MRPS22: variants seen among roughly 807,000 people sequenced by gnomAD.
MRPS22 encodes small ribosomal subunit protein mS22.
In MRPS22, 30 loss-of-function variants were observed where a neutral mutation model predicts 44.0. The observed-to-expected ratio is 0.68, with a 90% CI of 0.51 to 0.93. MRPS22 has a LOEUF of 0.93. MRPS22 is among the 40% of genes least tolerant of loss of function. The pLI is 0.00. For synonymous variants in MRPS22, 165 were observed against 154.4 expected (o/e 1.07, Z -0.51); for missense variants, 447 against 447.8 (o/e 1.00, Z 0.02).
intron 6 of MRPS22, among the ~76,000 whole-genome samples, chr3:139,354,514 GCA>G (rs375560638): frequency 6.6e-6 from 1 of 152,214 alleles, no homozygotes; most frequent in African/African-American, 2.4e-5. Context: ...ATTATAACAA[GCA>G]CAATAGATTT....
At chr3:139,348,754 C>T (rs544307095) in intron 3 of MRPS22, among the ~76,000 whole-genome samples, 129 of 152,308 alleles carry the variant, frequency 8.5e-4, no homozygotes, top group African/African-American at 3.0e-3. Flanking sequence ...GAAACTCAGG[C>T]ATCATAAAGG....
At chr3:139,352,515 T>C (rs959176622) in intron 5 of MRPS22, 132 bp from the exon 6 acceptor site, 4 of 740,542 alleles carry the variant, frequency 5.4e-6, no homozygotes, top group Non-Finnish European at 7.2e-6. Flanking sequence ...AATTGGTTAA[T>C]GATATGGAGG....
At chr3:139,356,886 A>ATTG in intron 7 of MRPS22, 33 bp from the exon 8 acceptor site, 1 of 1,493,082 alleles carries the variant, frequency 6.7e-7, no homozygotes, top group Non-Finnish European at 9.3e-7. Context: ...CATATGTCCT[A>ATTG]TTGTTTTAAA....
At chr3:139,346,653 G>C (rs1471233730) in intron 1 of MRPS22, among the ~76,000 whole-genome samples, 1 of 152,178 alleles carries the variant, frequency 6.6e-6, no homozygotes, top group Non-Finnish European at 1.5e-5. Context: ...ACTTCCTCTA[G>C]TAGTCTGTCC....
chr3:139,349,751 C>T (rs1373811734), intron 3 of MRPS22, among the ~76,000 whole-genome samples: 1 of 152,168 alleles, frequency 6.6e-6, no homozygotes, highest in Non-Finnish European at 1.5e-5. Context: ...AAGTAAGACT[C>T]CTCATTCTTG....
chr3:139,354,404 C>T (rs1364240401), intron 6 of MRPS22, among the ~76,000 whole-genome samples: 1 of 152,164 alleles, frequency 6.6e-6, no homozygotes, highest in African/African-American at 2.4e-5. Context: ...GGTAGCAGTC[C>T]AGTTAAGCTC....
Position 139,357,075 on chromosome 3 carries a change from A to G in MRPS22, c.*61A>G. ...TGACTACATTTCTCTGTTAATATTG[A>G]GCTAAATGTTAAAAAATGGCCAGAT... is the stretch of plus-strand genomic sequence containing the variant. On this transcript the variant is annotated 3_prime_UTR_variant, in exon 8 of 8. Coordinates refer to ENST00000680020, the MANE Select transcript of MRPS22 (RefSeq NM_020191.4). 1.5e-6 allele frequency: 2 copies of G among 1,354,842 alleles called. No homozygotes were observed. Among genetic ancestry groups the G allele is most frequent in the South Asian group, 2.5e-5 (2 of 80,602 alleles). The allele number at this position is 1,354,842 out of a possible 1,614,324, so 83.9% of individuals were successfully genotyped here.
intron 1 of MRPS22, chr3:139,344,621 A>G (rs1471799842): frequency 9.0e-6 from 6 of 669,382 alleles, no homozygotes; most frequent in South Asian, 8.1e-5. Flanking sequence ...CTGGTTAGCC[A>G]TGCTAAGGAG....
intron 1 of MRPS22, chr3:139,344,855 A>G (rs1020927511): frequency 1.1e-5 from 6 of 550,312 alleles, no homozygotes; most frequent in Non-Finnish European, 1.9e-5. Context: ...AATTGTTGGA[A>G]CCGTTATTTT....
intron 3 of MRPS22, chr3:139,349,337 A>G (rs2107788565): frequency 4.4e-6 from 2 of 451,792 alleles, no homozygotes; most frequent in Middle Eastern, 3.3e-4. Context: ...GTGTTGATGG[A>G]AGTTTCATCT....
chr3:139,344,553 T>C, intron 1 of MRPS22: 1 of 614,042 alleles, frequency 1.6e-6, no homozygotes, highest in Non-Finnish European at 2.9e-6. Flanking sequence ...GGAGAGGCAC[T>C]CAAACTAGGT....
chr3:139,352,038 TA>T (rs1329312857), intron 5 of MRPS22: 4 of 153,676 alleles, frequency 2.6e-5, no homozygotes, highest in East Asian at 1.9e-4. Context: ...GGGGGAGGGA[TA>T]GGGGAAAGGG....
intron 6 of MRPS22, among the ~76,000 whole-genome samples, chr3:139,354,781 C>T (rs1371089844): frequency 6.6e-6 from 1 of 152,138 alleles, no homozygotes; most frequent in African/African-American, 2.4e-5. Context: ...GTGTCCTCAG[C>T]CCTCCATTCC....
At position 139,357,017 on chromosome 3, in the gene MRPS22, A is replaced by ATAT; in HGVS notation, c.*5_*7dup. 6.3e-7 allele frequency: 1 copy of ATAT among 1,597,702 alleles called. No homozygotes were observed. The highest frequency in any genetic ancestry group is 8.6e-7 in the Non-Finnish European group (1 of 1,166,870). On this transcript the variant is annotated 3_prime_UTR_variant, in exon 8 of 8. Coordinates refer to ENST00000680020, the MANE Select transcript of MRPS22 (RefSeq NM_020191.4). ...GTCGCCATTCTGCAGCTTCCTAAAA[A>ATAT]TATTTTAAAAATACATTTATTTTAC...
Position 139,352,695 on chromosome 3 carries a change from C to G in MRPS22, c.781C>G (p.Leu261Val), listed in dbSNP as rs1426212067. ...EDIDKRGKYD[L>V]LRSTRYFGGM... ...TATAGATAAACGTGGAAAATATGAC[C>G]TTTTACGTTCAACAAGATACTTTGG... is the stretch of plus-strand genomic sequence containing the variant. The change falls in exon 6 of 8, where the codon CTT (leucine) becomes GTT (valine). Residue 261 changes from leucine (L) to valine (V), a missense_variant. Coordinates refer to ENST00000680020, the MANE Select transcript of MRPS22 (RefSeq NM_020191.4). 28 of 1,613,100 alleles carry G rather than the reference C, an allele frequency of 1.7e-5. No individual in the cohort carries two copies. The highest frequency in any genetic ancestry group is 2.4e-5 in the Non-Finnish European group (28 of 1,179,282).
chr3:139,353,905 A>G (rs1941197087), intron 6 of MRPS22, among the ~76,000 whole-genome samples: 1 of 152,232 alleles, frequency 6.6e-6, no homozygotes, highest in South Asian at 2.1e-4. Flanking sequence ...TTTATTATTA[A>G]AACAGTATGT....
chr3:139,356,811 A>G, intron 7 of MRPS22, 108 bp from the exon 8 acceptor site: 1 of 766,124 alleles, frequency 1.3e-6, no homozygotes. Context: ...GCCCTTTTTA[A>G]GTAGGACTCT....
At chr3:139,356,825 C>T in intron 7 of MRPS22, 94 bp from the exon 8 acceptor site, 1 of 863,048 alleles carries the variant, frequency 1.2e-6, no homozygotes, top group Non-Finnish European at 1.9e-6. Context: ...GGACTCTTTG[C>T]TACTACAGAA....
intron 3 of MRPS22, chr3:139,349,306 C>CT (rs745782838): frequency 0.028 from 8,513 of 307,910 alleles, no homozygotes; most frequent in South Asian, 0.038. Flanking sequence ...TTGGCATGTG[C>CT]TTTTTTTTTT....
Sources: gnomAD v4.1 joint callset for allele counts (sites outside exome capture counted in the v4.1 genomes callset) on GRCh38, gnomAD v4.1.1 for gene constraint, MANE v1.5 for transcripts, NCBI Gene and HGNC (gene_info 2026-07-23, HGNC 2026-07-21) for gene names.